The following NPTXR variants were observed in gnomAD, a reference collection of about 807,000 sequenced individuals.
The protein encoded by NPTXR is neuronal pentraxin receptor.
In NPTXR, 12 loss-of-function variants were observed where a neutral mutation model predicts 32.2. That is an observed-to-expected ratio of 0.37 (90% CI 0.24 to 0.60). The LOEUF (loss-of-function observed/expected upper bound fraction) is 0.60. NPTXR is among the 20% of genes least tolerant of loss of function. NPTXR has a pLI of 0.66. For synonymous variants in NPTXR, 323 were observed against 315.8 expected, an observed-to-expected ratio of 1.02 and a Z score of -0.24; for missense variants, 612 against 682.9, an observed-to-expected ratio of 0.90 and a Z score of 1.16.
intron 2 of NPTXR, 78 bp downstream of exon 2, chr22:38,828,209 G>A (rs937842586): frequency 1.2e-4 from 142 of 1,193,230 alleles, no homozygotes; most frequent in Non-Finnish European, 1.7e-4. Flanking sequence ...TAGCCTCCGG[G>A]GAGCATGGAT....
chr22:38,833,882 T>C (rs2093120189), intron 1 of NPTXR, among the ~76,000 whole-genome samples: 1 of 152,156 alleles, frequency 6.6e-6, no homozygotes, highest in Non-Finnish European at 1.5e-5. Context: ...TTCACTGTGT[T>C]AGCCAGGATG....
chr22:38,823,052 G>A (rs1204304453), intron 4 of NPTXR, 31 bp downstream of exon 4: 2 of 1,611,946 alleles, frequency 1.2e-6, no homozygotes, highest in Admixed American at 1.7e-5. Flanking sequence ...ACAATTAGGA[G>A]GTCCAGCCCC....
chr22:38,830,793 C>T (rs2093114894), intron 1 of NPTXR, among the ~76,000 whole-genome samples: 1 of 152,268 alleles, frequency 6.6e-6, no homozygotes, highest in African/African-American at 2.4e-5. Flanking sequence ...GATGGGGCAA[C>T]AGACACAAGT....
intron 1 of NPTXR, among the ~76,000 whole-genome samples, chr22:38,835,911 G>T (rs1264165619): frequency 1.3e-5 from 2 of 152,298 alleles, no homozygotes; most frequent in Middle Eastern, 6.8e-3. Context: ...ATGTGCCCAA[G>T]ACTGTCCTGG....
At position 38,843,212 on chromosome 22, in the gene NPTXR, C is replaced by T. The variant is rs2093134174; in HGVS notation, c.624+23G>A. Reference sequence around the variant, plus strand: ...GCCCCTCACACCACCCGGGCGGCTCCCCCGACGGCGCGCGGCGCTCACCTC... The same window carrying T: ...GCCCCTCACACCACCCGGGCGGCTCTCCCGACGGCGCGCGGCGCTCACCTC... On this transcript the variant is annotated intron_variant, in intron 1 of 4. Transcript: ENST00000333039. This position sits in a 1 kb window ranked among gnomAD's most constrained non-coding sequence, Gnocchi z 5.3. The T allele has an allele frequency of 7.7e-7, 1 of 1,302,348 alleles. No individual in the cohort carries two copies. Among genetic ancestry groups the T allele is most frequent in the Non-Finnish European group, 9.7e-7 (1 of 1,030,776 alleles). 80.7% of individuals were successfully genotyped at this position (1,302,348 alleles called of 1,614,324 possible). A position where few individuals can be genotyped will look rare whatever the true frequency, so the allele number is the denominator to read the frequency against.
In NPTXR at chr22:38,821,148, C is replaced by G. The variant is rs1253961880; in HGVS notation, c.*1461G>C. 6.6e-6 allele frequency: 1 copy of G among 152,282 alleles called. No homozygotes were observed. Among genetic ancestry groups the G allele is most frequent in the Non-Finnish European group, 1.5e-5 (1 of 68,098 alleles). The allele number at this position is 152,282 out of a possible 1,614,324, so 9.4% of individuals were successfully genotyped here. ...ACCTCAAGTGATCTGCCTGTCTCAG[C>G]CTCCCAAAGTGCTGGGATTACAGGC... is the stretch of plus-strand genomic sequence containing the variant. On this transcript the variant is annotated 3_prime_UTR_variant, in exon 5 of 5. Coordinates refer to ENST00000333039, the MANE Select transcript of NPTXR (RefSeq NM_014293.4).
intron 1 of NPTXR, among the ~76,000 whole-genome samples, chr22:38,837,056 C>T (rs1348483676): frequency 2.0e-5 from 3 of 152,210 alleles, no homozygotes; most frequent in Admixed American, 6.5e-5. Context: ...CCTCGTGATA[C>T]GCCCACCTCA....
In NPTXR at chr22:38,843,817, C is replaced by G; in HGVS notation, c.42G>C (p.Ala14=). Residue 14 remains alanine, a synonymous_variant, in exon 1 of 5, where the codon GCG becomes GCC. Transcript: ENST00000333039. This position sits in a 1 kb window ranked among gnomAD's most constrained non-coding sequence, Gnocchi z 5.3. ...TGATGCAGATGACGGCACCGAGGAACGCCAGCATGCCCGCGGCCAGCAGCA... is the reference window on the plus strand; with the variant it reads ...TGATGCAGATGACGGCACCGAGGAAGGCCAGCATGCCCGCGGCCAGCAGCA... The G allele has an allele frequency of 9.8e-7, 1 of 1,019,254 alleles. No individual in the cohort carries two copies. The highest frequency in any genetic ancestry group is 1.2e-6 in the Non-Finnish European group (1 of 853,672). The allele number at this position is 1,019,254 out of a possible 1,614,324, so 63.1% of individuals were successfully genotyped here.
rs998206374 is a variant in NPTXR at position 38,840,614 on chromosome 22, C to T, written c.624+2621G>A. On this transcript the variant is annotated intron_variant, in intron 1 of 4. Transcript: ENST00000333039. ...TGGAGGTACCTGGTTCAAGCTGAAACACAGTGTGGTTAGGGGGCTGATGGG... is the reference window on the plus strand; with the variant it reads ...TGGAGGTACCTGGTTCAAGCTGAAATACAGTGTGGTTAGGGGGCTGATGGG... Among the ~76,000 whole-genome samples, 11 of 152,138 alleles carry T rather than the reference C, an allele frequency of 7.2e-5. 1 individual carries two copies. The highest frequency in any genetic ancestry group is 2.7e-4 in the African/African-American group (11 of 41,482).
rs1167582572 is a variant in NPTXR, at chr22:38,843,745, G to A, written c.114C>T (p.Gly38=). 2.5e-5 allele frequency: 25 copies of A among 996,992 alleles called. No homozygotes were observed. Among genetic ancestry groups the A allele is most frequent in the Admixed American group, 1.2e-4 (2 of 16,206 alleles). 61.8% of individuals were successfully genotyped at this position (996,992 alleles called of 1,614,324 possible). ...AGGCGACCGAAGCATTGTCGGCGCC[G>A]CCGGGCAGCGCCCGCGCCGGGCTGG... The change falls in exon 1 of 5, where the codon GGC becomes GGT. Residue 38 remains glycine, a synonymous_variant. Coordinates refer to ENST00000333039, the MANE Select transcript of NPTXR (RefSeq NM_014293.4). The surrounding 1 kb of genome is among the most constrained non-coding windows in gnomAD (Gnocchi z 5.3).
Position 38,833,003 on chromosome 22 carries a change from T to TAGC in NPTXR, c.625-4494_625-4492dup, listed in dbSNP as rs542134428. On this transcript the variant is annotated intron_variant, in intron 1 of 4. Coordinates refer to ENST00000333039, the MANE Select transcript of NPTXR (RefSeq NM_014293.4). ...AGGATGCAGGGAAACCCCATCACCT[T>TAGC]AGCCCCACCCGGGGTCTATTCCCTT... Among the ~76,000 whole-genome samples the TAGC allele has an allele frequency of 7.4e-4, 112 of 152,244 alleles. 2 individuals carry two copies. Among genetic ancestry groups the TAGC allele is most frequent in the Admixed American group, 4.0e-3 (61 of 15,294 alleles).
At chr22:38,824,201 C>T (rs999108123) in intron 3 of NPTXR, among the ~76,000 whole-genome samples, 1 of 151,184 alleles carries the variant, frequency 6.6e-6, no homozygotes, top group Non-Finnish European at 1.5e-5. Context: ...CCATATTGGC[C>T]AGCCTGGTCT....
chr22:38,834,592 T>A lies in NPTXR; in HGVS notation c.625-6080A>T, dbSNP rs544072041. Among the ~76,000 whole-genome samples, 3 of 130,126 alleles carry A rather than the reference T, an allele frequency of 2.3e-5. No homozygotes were observed. The highest frequency in any genetic ancestry group is 8.8e-5 in the African/African-American group (3 of 33,990). The allele number at this position is 130,126 out of a possible 152,430, so 85.4% of individuals were successfully genotyped here. A position where few individuals can be genotyped will look rare whatever the true frequency, so the allele number is the denominator to read the frequency against. On this transcript the variant is annotated intron_variant, in intron 1 of 4. Transcript: ENST00000333039. This position sits in a 1 kb window ranked among gnomAD's most constrained non-coding sequence, Gnocchi z 4.4. ...TGCAGAGCACTCATCCATCCATCCATCCATCCATCATCCATCCATCCATCC... is the reference window on the plus strand; with the variant it reads ...TGCAGAGCACTCATCCATCCATCCAACCATCCATCATCCATCCATCCATCC...
At chr22:38,837,765 G>C (rs1288415455) in intron 1 of NPTXR, among the ~76,000 whole-genome samples, 2 of 152,198 alleles carry the variant, frequency 1.3e-5, no homozygotes, top group Non-Finnish European at 2.9e-5. Context: ...AAGAGGGAAA[G>C]TGATTAGTCT....
At chr22:38,839,191 G>A (rs1181616858) in intron 1 of NPTXR, among the ~76,000 whole-genome samples, 2 of 152,256 alleles carry the variant, frequency 1.3e-5, no homozygotes, top group Admixed American at 1.3e-4. Flanking sequence ...GGTTAAGGAT[G>A]TGGTTTATGC....
At chr22:38,831,284 G>A (rs948666057) in intron 1 of NPTXR, among the ~76,000 whole-genome samples, 4 of 152,178 alleles carry the variant, frequency 2.6e-5, no homozygotes, top group African/African-American at 9.7e-5. Context: ...GTGCATGCCT[G>A]TGGCCCCAGC....
At chr22:38,841,796 G>A (rs986382022) in intron 1 of NPTXR, among the ~76,000 whole-genome samples, 2 of 152,104 alleles carry the variant, frequency 1.3e-5, no homozygotes, top group Admixed American at 6.5e-5. Context: ...TTTTACAGGC[G>A]AGAAAACTAA....
rs1043380924 is a variant in NPTXR, at chr22:38,843,246, C to G, written c.613G>C (p.Asp205His). 1.1e-5 allele frequency: 16 copies of G among 1,394,588 alleles called. No homozygotes were observed. Among genetic ancestry groups the G allele is most frequent in the African/African-American group, 4.5e-5 (3 of 66,106 alleles). The allele number at this position is 1,394,588 out of a possible 1,614,324, so 86.4% of individuals were successfully genotyped here. ...CGCGCGGCGCTCACCTCCAGGCGGT[C>G]GATGCGGTCCCGCAGGGCGCGCACG... The change falls in exon 1 of 5, where the codon GAC becomes CAC. Residue 205 changes from aspartate (D) to histidine (H), a missense_variant. Coordinates refer to ENST00000333039, the MANE Select transcript of NPTXR (RefSeq NM_014293.4). The surrounding 1 kb of genome is among the most constrained non-coding windows in gnomAD (Gnocchi z 5.3).
chr22:38,823,692 CCT>C (rs759482724), intron 3 of NPTXR, among the ~76,000 whole-genome samples: 11 of 152,204 alleles, frequency 7.2e-5, no homozygotes, highest in Non-Finnish European at 1.3e-4. Context: ...GCCACCAACC[CCT>C]GTGTGATCTG....
Sources: allele counts gnomAD v4.1 joint callset (sites outside exome capture counted in the v4.1 genomes callset), GRCh38; gene constraint gnomAD v4.1.1; non-coding constraint Gnocchi (gnomAD v3.1); transcripts MANE v1.5; gene names NCBI Gene and HGNC (gene_info 2026-07-23, HGNC 2026-07-21).